FRMPD4: variants seen among roughly 807,000 people sequenced by gnomAD.
FRMPD4 encodes the protein FERM and PDZ domain containing 4, also known as FERM and PDZ domain-containing protein 4.
A neutral mutation model predicts 94.1 loss-of-function variants in FRMPD4; 22 were observed. The ratio of observed to expected loss-of-function variants is 0.23; its 90% CI spans 0.17 to 0.33. The LOEUF (loss-of-function observed/expected upper bound fraction) is 0.33, where lower values mean the gene tolerates loss of function less well. Ranked by LOEUF, FRMPD4 falls within the 10% of genes least tolerant of loss-of-function variation. The pLI, the probability that FRMPD4 is intolerant of heterozygous loss-of-function variation, is 1.00. For synonymous variants in FRMPD4, 631 were observed against 548.6 expected (o/e 1.15, Z -2.10); for missense variants, 1,111 against 1,339.9 (o/e 0.83, Z 2.67).
chrX:12,314,279 G>A (rs1355292794), intron 1 of FRMPD4, among the ~76,000 whole-genome samples: 2 of 112,434 alleles, frequency 1.8e-5, no homozygotes, highest in East Asian at 2.8e-4. Flanking sequence ...AGTGATATAA[G>A]AGAACTCAGG....
intron 4 of FRMPD4, among the ~76,000 whole-genome samples, chrX:12,629,624 AT>A (rs1297580270): frequency 1.8e-5 from 2 of 112,429 alleles, no homozygotes; most frequent in Admixed American, 1.9e-4. Flanking sequence ...ATACATTTGA[AT>A]TATCATTGTC....
At chrX:11,882,413 C>A (rs761257227) in intron 3 of FRMPD4, among the ~76,000 whole-genome samples, 1 of 110,936 alleles carries the variant, frequency 9.0e-6, no homozygotes, top group Admixed American at 9.6e-5. Context: ...TTATAGAGGA[C>A]CTTGTATAAT....
intron 1 of FRMPD4, among the ~76,000 whole-genome samples, chrX:12,478,353 C>A (rs892562902): frequency 1.8e-5 from 2 of 111,484 alleles, no homozygotes; most frequent in Non-Finnish European, 3.8e-5. Context: ...GCAGGCAGAT[C>A]GCATGAGGCC....
intron 2 of FRMPD4, among the ~76,000 whole-genome samples, chrX:12,514,861 T>C (rs1052109607): frequency 8.9e-6 from 1 of 112,025 alleles, no homozygotes; most frequent in African/African-American, 3.2e-5. Flanking sequence ...TATTTTTTGG[T>C]TGGTAGGCTA....
chrX:12,410,288 G>A (rs188926809), intron 1 of FRMPD4, among the ~76,000 whole-genome samples: 7 of 111,667 alleles, frequency 6.3e-5, no homozygotes, highest in Admixed American at 9.5e-5. Flanking sequence ...TTGCAAGGGT[G>A]TATTATTGTT....
intron 1 of FRMPD4, among the ~76,000 whole-genome samples, chrX:12,246,199 T>C (rs2053956060): frequency 8.9e-6 from 1 of 112,096 alleles, no homozygotes; most frequent in African/African-American, 3.2e-5. Context: ...AAAGCCTGCT[T>C]CTCAGTTGGA....
intron 1 of FRMPD4, among the ~76,000 whole-genome samples, chrX:12,301,117 T>C (rs776437898): frequency 7.2e-5 from 8 of 111,355 alleles, no homozygotes; most frequent in Admixed American, 9.6e-5. Flanking sequence ...CTGTGGCTTC[T>C]GCCTTCTCAA....
intron 2 of FRMPD4, among the ~76,000 whole-genome samples, chrX:12,500,523 C>T (rs1451519093): frequency 9.0e-6 from 1 of 110,819 alleles, no homozygotes; most frequent in Admixed American, 9.6e-5. Context: ...CCCTTCAGAG[C>T]ACAGTTTCTT....
At chrX:11,980,236 G>A (rs1260172196) in intron 3 of FRMPD4, among the ~76,000 whole-genome samples, 1 of 111,645 alleles carries the variant, frequency 9.0e-6, no homozygotes. Context: ...TATTTCAAAC[G>A]TTTGCATAAA....
intron 1 of FRMPD4, among the ~76,000 whole-genome samples, chrX:12,493,836 A>G (rs2057817001): frequency 8.9e-6 from 1 of 112,425 alleles, no homozygotes; most frequent in South Asian, 3.7e-4. Flanking sequence ...TACTGCTTAC[A>G]ACACAATGTA....
chrX:12,479,437 C>CATATATGTATATATATGTATATATGT (rs2057650377), intron 1 of FRMPD4, among the ~76,000 whole-genome samples: 1 of 24,662 alleles, frequency 4.1e-5, no homozygotes, highest in Non-Finnish European at 9.6e-5. Context: ...TATATATACA[C>CATATATGTATATATATGTATATATGT]ACATATATGT....
intron 1 of FRMPD4, among the ~76,000 whole-genome samples, chrX:12,168,093 C>G (rs1405467589): frequency 1.8e-5 from 2 of 110,115 alleles, no homozygotes. Context: ...GCAGCCCCCA[C>G]ACAACAAAAA....
chrX:12,272,475 C>T (rs188121406), intron 1 of FRMPD4, among the ~76,000 whole-genome samples: 104 of 111,202 alleles, frequency 9.4e-4, no homozygotes, highest in African/African-American at 2.9e-3. Context: ...ATTTAAATGA[C>T]GAAAGAGTAG....
chrX:12,394,879 G>T (rs2056523316), intron 1 of FRMPD4, among the ~76,000 whole-genome samples: 1 of 111,616 alleles, frequency 9.0e-6, no homozygotes. Flanking sequence ...AGGGGACGGG[G>T]TAGGTAATGT....
chrX:12,717,193 C>T, intron 15 of FRMPD4, 60 bp downstream of exon 15: 3 of 797,013 alleles, frequency 3.8e-6, no homozygotes, highest in East Asian at 6.4e-5. Context: ...CCTTCCAAGC[C>T]ATTTGCCCCT....
intron 3 of FRMPD4, among the ~76,000 whole-genome samples, chrX:11,885,621 C>T (rs966175486): frequency 9.0e-6 from 1 of 111,235 alleles, no homozygotes; most frequent in South Asian, 3.9e-4. Flanking sequence ...GGTGTACCTA[C>T]CACCAATAAA....
At chrX:11,971,675 A>G (rs1439034414) in intron 3 of FRMPD4, among the ~76,000 whole-genome samples, 2 of 112,252 alleles carry the variant, frequency 1.8e-5, no homozygotes, top group Non-Finnish European at 3.8e-5. Flanking sequence ...GCAGTAATGC[A>G]TTTGTTACCA....
chrX:12,528,319 G>GTTTTTTTTTTTTTTTTTTTT (rs62720861), intron 2 of FRMPD4, among the ~76,000 whole-genome samples: 1 of 73,866 alleles, frequency 1.4e-5, no homozygotes, highest in Non-Finnish European at 2.5e-5. Flanking sequence ...TTTTGTTTTT[G>GTTTTTTTTTTTTTTTTTTTT]TTTTTTTTTT....
chrX:12,432,452 A>C (rs531174029), intron 1 of FRMPD4, among the ~76,000 whole-genome samples: 1 of 112,225 alleles, frequency 8.9e-6, no homozygotes, highest in East Asian at 2.8e-4. Context: ...ATAGGTTACA[A>C]TAAAGGTGTC....
Sources: gnomAD v4.1 joint callset for allele counts (sites outside exome capture counted in the v4.1 genomes callset) on GRCh38, gnomAD v4.1.1 for gene constraint, MANE v1.5 for transcripts, NCBI Gene and HGNC (gene_info 2026-07-23, HGNC 2026-07-21) for gene names.